Variants in SMARCA4 observed in about 807,000 individuals in gnomAD.
SMARCA4 encodes the protein SWI/SNF-related matrix-associated actin-dependent regulator of chromatin subfamily A member 4.
In SMARCA4, 31 loss-of-function variants were observed where a neutral mutation model predicts 193.9. The ratio of observed to expected loss-of-function variants is 0.16; its 90% CI spans 0.12 to 0.22. SMARCA4 has a LOEUF of 0.22. Among genes scored for constraint, SMARCA4 ranks in the 10% least tolerant of loss-of-function variants. The pLI, the probability that SMARCA4 is intolerant of heterozygous loss-of-function variation, is 1.00. For missense variants in SMARCA4, 1,148 were observed against 2,296.0 expected, an observed-to-expected ratio of 0.50 and a Z score of 10.22; for synonymous variants, 942 against 933.1, an observed-to-expected ratio of 1.01 and a Z score of -0.17.
intron 21 of SMARCA4, 69 bp from the exon 22 acceptor site, chr19:11,025,353 C>A: frequency 1.0e-6 from 1 of 996,406 alleles, no homozygotes; most frequent in Non-Finnish European, 1.6e-6. Flanking sequence ...CAACACCCAC[C>A]CATCCACCAA....
chr19:11,058,351 C>T lies in SMARCA4; in HGVS notation c.4521C>T (p.Phe1507=). ...AGCTCATCCGCAAGCCCGTGGACTT[C>T]AAGAAGATAAAGGTAACCCTGACGT... ...YYELIRKPVD[F]KKIKERIRNH... Residue 1507 remains phenylalanine (F), a synonymous_variant, in exon 31 of 35, where the codon TTC becomes TTT. Transcript: ENST00000344626. This position sits in a 1 kb window ranked among gnomAD's most constrained non-coding sequence, Gnocchi z 5.8. The T allele has an allele frequency of 6.2e-7, 1 of 1,611,054 alleles. No individual in the cohort carries two copies. The highest frequency in any genetic ancestry group is 2.2e-5 in the East Asian group (1 of 44,850).
intron 1 of SMARCA4, among the ~76,000 whole-genome samples, chr19:10,962,305 A>G (rs2083874425): frequency 6.6e-6 from 1 of 152,132 alleles, no homozygotes; most frequent in African/African-American, 2.4e-5. Context: ...CTCATTGTTC[A>G]GCAGATAACT....
In SMARCA4 at chr19:10,987,453, C is replaced by T. The variant is rs1253519590; in HGVS notation, c.860-213C>T. On this transcript the variant is annotated intron_variant, in intron 5 of 34. Transcript: ENST00000344626. This position sits in a 1 kb window ranked among gnomAD's most constrained non-coding sequence, Gnocchi z 5.3. ...AAAGGCCTTGGGAGCCTGGGGCTGG[C>T]CCCAGTGGAGGGTGTGAAGGACGAG... is the stretch of plus-strand genomic sequence containing the variant. 6.6e-6 allele frequency among the ~76,000 whole-genome samples: 1 copy of T among 152,136 alleles called. No homozygotes were observed. Among genetic ancestry groups the T allele is most frequent in the Admixed American group, 6.5e-5 (1 of 15,272 alleles).
chr19:10,991,058 G>T, intron 7 of SMARCA4, 92 bp from the exon 8 acceptor site: 2 of 1,574,794 alleles, frequency 1.3e-6, no homozygotes, highest in Non-Finnish European at 1.7e-6. Context: ...TGCTCCTTTA[G>T]CGGTGAAGCA....
chr19:11,048,849 G>A (rs12052058), intron 30 of SMARCA4, among the ~76,000 whole-genome samples: 2 of 152,222 alleles, frequency 1.3e-5, no homozygotes, highest in South Asian at 2.1e-4. Context: ...GTGTACAGTT[G>A]TCTTGCCTGG....
chr19:11,024,887 C>T (rs1176687683), intron 21 of SMARCA4, among the ~76,000 whole-genome samples: 1 of 152,100 alleles, frequency 6.6e-6, no homozygotes, highest in Middle Eastern at 3.2e-3. Context: ...GCCTTGACCT[C>T]GGCCTGGCTT....
intron 11 of SMARCA4, among the ~76,000 whole-genome samples, chr19:10,997,688 C>T (rs559943347): frequency 1.3e-5 from 2 of 151,840 alleles, no homozygotes; most frequent in South Asian, 4.2e-4. Flanking sequence ...GGCTAGTCTC[C>T]AATTCCTGGG....
intron 9 of SMARCA4, chr19:10,995,647 C>T: frequency 2.6e-6 from 1 of 378,944 alleles, no homozygotes; most frequent in South Asian, 1.9e-5. Flanking sequence ...GTTGAGGTGG[C>T]AGGCAGCCAT....
At chr19:11,002,389 G>C (rs545063389) in intron 11 of SMARCA4, among the ~76,000 whole-genome samples, 1 of 152,262 alleles carries the variant, frequency 6.6e-6, no homozygotes, top group African/African-American at 2.4e-5. Context: ...TGAGGCAGGA[G>C]AATGGCATGA....
At position 10,966,652 on chromosome 19, in the gene SMARCA4, G is replaced by A. The variant is rs113351199; in HGVS notation, c.-32+5478G>A. Among the ~76,000 whole-genome samples the A allele has an allele frequency of 3.9e-3, 576 of 149,132 alleles. 7 individuals carry two copies. Among genetic ancestry groups the A allele is most frequent in the African/African-American group, 0.013 (522 of 40,476 alleles). ...CTGTATTCCTAGCACTTTGGGAGCC[G>A]AGGCGGGCGGATCGCCTGAGCTCAG... On this transcript the variant is annotated intron_variant, in intron 1 of 34. Coordinates refer to ENST00000344626, the MANE Select transcript of SMARCA4 (RefSeq NM_003072.5).
At position 11,007,919 on chromosome 19, in the gene SMARCA4, G is replaced by A. The variant is rs1463911723; in HGVS notation, c.2019G>A (p.Gln673=). 6.2e-7 allele frequency: 1 copy of A among 1,613,648 alleles called. No homozygotes were observed. Among genetic ancestry groups the A allele is most frequent in the Non-Finnish European group, 8.5e-7 (1 of 1,179,760 alleles). ...CTTGGTAGGAGGAGGAGGAAGAGCAGCCGCAGGCAGCACAGCCTCCCACCC... is the reference window on the plus strand; with the variant it reads ...CTTGGTAGGAGGAGGAGGAAGAGCAACCGCAGGCAGCACAGCCTCCCACCC... The part of the protein sequence containing the change: ...EEEEEEEEEE[Q]PQAAQPPTLP... Residue 673 remains glutamine (Q), a synonymous_variant, in exon 14 of 35, where the codon CAG becomes CAA. Transcript: ENST00000344626.
In SMARCA4 at chr19:10,985,123, G is replaced by A; in HGVS notation, c.223-150G>A. 2 of 786,990 alleles carry A rather than the reference G, an allele frequency of 2.5e-6. No individual in the cohort carries two copies. The highest frequency in any genetic ancestry group is 5.2e-5 in the East Asian group (2 of 38,516). The allele number at this position is 786,990 out of a possible 1,614,324, so 48.8% of individuals were successfully genotyped here. On this transcript the variant is annotated intron_variant, in intron 2 of 34. Coordinates refer to ENST00000344626, the MANE Select transcript of SMARCA4 (RefSeq NM_003072.5). This position sits in a 1 kb window ranked among gnomAD's most constrained non-coding sequence, Gnocchi z 4.5. ...AGGCCTAAGTAGGTGTCAGAACCTTGCCTTGGAGTCATGCTGGGGACTGGG... is the reference window on the plus strand; with the variant it reads ...AGGCCTAAGTAGGTGTCAGAACCTTACCTTGGAGTCATGCTGGGGACTGGG...
Position 11,033,281 on chromosome 19 carries a change from T to C in SMARCA4, c.3547-9T>C, listed in dbSNP as rs1060504443. On this transcript the variant is annotated splice_polypyrimidine_tract_variant and intron_variant, in intron 25 of 34. Transcript: ENST00000344626. This position sits in a 1 kb window ranked among gnomAD's most constrained non-coding sequence, Gnocchi z 9.8. Reference sequence around the variant, plus strand: ...CTCCTTTGGGACTGACTGGCACCTCTTCCCCCAGGACCTGCAAGCGCAGGA... The same window carrying C: ...CTCCTTTGGGACTGACTGGCACCTCCTCCCCCAGGACCTGCAAGCGCAGGA... The C allele has an allele frequency of 3.1e-6, 5 of 1,610,442 alleles. No homozygotes were observed. The highest frequency in any genetic ancestry group is 4.2e-6 in the Non-Finnish European group (5 of 1,177,858).
chr19:11,045,015 G>A (rs2075819247), intron 30 of SMARCA4, among the ~76,000 whole-genome samples: 2 of 152,176 alleles, frequency 1.3e-5, no homozygotes, highest in Admixed American at 1.3e-4. Context: ...AGTGAAAGAA[G>A]CCAGACACTA....
In SMARCA4 at chr19:11,030,611, A is replaced by G. The variant is rs909014678; in HGVS notation, c.3383-119A>G. ...CCGTGTGGAGAGTGCGGAGCCAGGGATCTGGGGATGCTGGCAGGTGCTGAT... is the reference window on the plus strand; with the variant it reads ...CCGTGTGGAGAGTGCGGAGCCAGGGGTCTGGGGATGCTGGCAGGTGCTGAT... On this transcript the variant is annotated intron_variant, in intron 24 of 34. Coordinates refer to ENST00000344626, the MANE Select transcript of SMARCA4 (RefSeq NM_003072.5). This position sits in a 1 kb window ranked among gnomAD's most constrained non-coding sequence, Gnocchi z 5.5. 1.1e-5 allele frequency: 10 copies of G among 897,940 alleles called. No individual in the cohort carries two copies. The highest frequency in any genetic ancestry group is 1.6e-5 in the Non-Finnish European group (9 of 565,664). The allele number at this position is 897,940 out of a possible 1,614,324, so 55.6% of individuals were successfully genotyped here.
chr19:10,988,070 C>T (rs891526871), intron 6 of SMARCA4, 146 bp downstream of exon 6: 31 of 748,208 alleles, frequency 4.1e-5, no homozygotes, highest in Non-Finnish European at 1.1e-5. Context: ...CCTCACCTCC[C>T]TGCTCCCACC....
At chr19:11,023,911 G>A (rs1012372063) in intron 20 of SMARCA4, among the ~76,000 whole-genome samples, 1 of 152,254 alleles carries the variant, frequency 6.6e-6, no homozygotes, top group Non-Finnish European at 1.5e-5. Context: ...GGCCACATCA[G>A]GAGGGGCCGT....
Position 11,000,227 on chromosome 19 carries a change from C to CA in SMARCA4, c.1813-2787dup, listed in dbSNP as rs113601283. Among the ~76,000 whole-genome samples the CA allele has an allele frequency of 9.0e-3, 984 of 109,546 alleles. 13 individuals are homozygous for CA. Among genetic ancestry groups the CA allele is most frequent in the African/African-American group, 0.028 (817 of 29,240 alleles). 71.9% of individuals were successfully genotyped at this position (109,546 alleles called of 152,430 possible). On this transcript the variant is annotated intron_variant, in intron 11 of 34. Coordinates refer to ENST00000344626, the MANE Select transcript of SMARCA4 (RefSeq NM_003072.5). Reference sequence around the variant, plus strand: ...TGGGTGACAGAGTGAGATTCTGTCTCAAAAAAAAAAAAAAAGAAGTTACTT... The same window carrying CA: ...TGGGTGACAGAGTGAGATTCTGTCTCAAAAAAAAAAAAAAAAGAAGTTACTT...
At chr19:11,061,208 T>A (rs1459814583) in intron 34 of SMARCA4, among the ~76,000 whole-genome samples, 754 of 54,526 alleles carry the variant, frequency 0.014, 6 homozygotes, top group African/African-American at 0.046. Flanking sequence ...AAAAAAAATA[T>A]ATATATATAT....
Sources: gnomAD v4.1 joint callset for allele counts (sites outside exome capture counted in the v4.1 genomes callset) on GRCh38, gnomAD v4.1.1 for gene constraint, Gnocchi (gnomAD v3.1) non-coding constraint, MANE v1.5 for transcripts, NCBI Gene and HGNC (gene_info 2026-07-23, HGNC 2026-07-21) for gene names.